The following COBL variants were observed in gnomAD, a reference collection of about 807,000 sequenced individuals.
COBL encodes the protein cordon-bleu WH2 repeat protein, also known as protein cordon-bleu.
COBL carries 51 observed loss-of-function variants against 98.8 expected under a neutral mutation model. The ratio of observed to expected loss-of-function variants is 0.52; its 90% CI spans 0.41 to 0.65. COBL has a LOEUF of 0.65. Among genes scored for constraint, COBL ranks in the 30% least tolerant of loss-of-function variants. The probability of loss-of-function intolerance (pLI) is 0.00; values close to 1 mark genes in which losing one functional copy is unlikely to be tolerated. For missense variants in COBL, 1,617 were observed against 1,617.5 expected (o/e 1.00, Z 0.01); for synonymous variants, 634 against 651.7 (o/e 0.97, Z 0.41).
At chr7:51,217,340 CTTT>C (rs937958755) in intron 2 of COBL, among the ~76,000 whole-genome samples, 2 of 127,708 alleles carry the variant, frequency 1.6e-5, no homozygotes, top group Admixed American at 8.2e-5. Flanking sequence ...TTTTCTTTTT[CTTT>C]TTTTTTTTTT....
At chr7:51,051,397 T>C (rs1043945251) in intron 7 of COBL, among the ~76,000 whole-genome samples, 4 of 152,226 alleles carry the variant, frequency 2.6e-5, no homozygotes, top group African/African-American at 7.2e-5. Context: ...TTGATGCTTA[T>C]TTGTTTTTCA....
intron 5 of COBL, among the ~76,000 whole-genome samples, chr7:51,170,873 T>C (rs912174727): frequency 1.3e-5 from 2 of 152,064 alleles, no homozygotes; most frequent in African/African-American, 4.8e-5. Flanking sequence ...TTAATAATAA[T>C]GTATTACACA....
At chr7:51,293,297 C>T (rs1204802232) in intron 1 of COBL, among the ~76,000 whole-genome samples, 1 of 152,182 alleles carries the variant, frequency 6.6e-6, no homozygotes, top group Non-Finnish European at 1.5e-5. Context: ...CATACAAAAA[C>T]TATAAATGAA....
chr7:51,238,973 G>A (rs923650991), intron 1 of COBL, among the ~76,000 whole-genome samples: 6 of 152,082 alleles, frequency 3.9e-5, no homozygotes, highest in African/African-American at 9.7e-5. Context: ...TGCTGGTAGC[G>A]TACTCATTAT....
In COBL at chr7:51,141,070, A is replaced by G. The variant is rs1462497204; in HGVS notation, c.784-4739T>C. ...AACCCCTTACTGTACTGCACAATACACTTCCAGGGACAAACAGGAGATGCT... is the reference window on the plus strand; with the variant it reads ...AACCCCTTACTGTACTGCACAATACGCTTCCAGGGACAAACAGGAGATGCT... On this transcript the variant is annotated intron_variant, in intron 5 of 12. Coordinates refer to ENST00000265136, the MANE Select transcript of COBL (RefSeq NM_015198.5). Among the ~76,000 whole-genome samples the G allele has an allele frequency of 2.0e-5, 3 of 151,854 alleles. No individual in the cohort carries two copies. In the East Asian group the frequency reaches 5.8e-4, roughly 29 times the overall value.
chr7:51,179,496 G>A (rs548640425), intron 5 of COBL, among the ~76,000 whole-genome samples: 18 of 152,086 alleles, frequency 1.2e-4, no homozygotes, highest in Non-Finnish European at 1.9e-4. Flanking sequence ...GTGAGCCACC[G>A]CGCCCAGCCA....
intron 5 of COBL, among the ~76,000 whole-genome samples, chr7:51,162,258 A>G (rs771900113): frequency 2.0e-5 from 3 of 152,218 alleles, no homozygotes; most frequent in Non-Finnish European, 2.9e-5. Context: ...GCAGGTGTCC[A>G]GTGCAGCCCA....
chr7:51,287,068 TGGACACAAAGATG>T (rs1800433286), intron 1 of COBL, among the ~76,000 whole-genome samples: 1 of 151,984 alleles, frequency 6.6e-6, no homozygotes, highest in Non-Finnish European at 1.5e-5. Flanking sequence ...TGAGTACACA[TGGACACAAAGATG>T]GGAACAACAG....
intron 2 of COBL, among the ~76,000 whole-genome samples, chr7:51,197,436 A>C (rs1190426207): frequency 6.6e-6 from 1 of 152,030 alleles, no homozygotes; most frequent in Non-Finnish European, 1.5e-5. Context: ...TTTATTTCTG[A>C]TTATGTGATC....
At chr7:51,081,963 C>A (rs997981436) in intron 7 of COBL, among the ~76,000 whole-genome samples, 1 of 151,860 alleles carries the variant, frequency 6.6e-6, no homozygotes, top group Non-Finnish European at 1.5e-5. Context: ...CATTTGCATT[C>A]GGAAGCATGT....
At chr7:51,191,659 C>T (rs973191981) in intron 3 of COBL, among the ~76,000 whole-genome samples, 2 of 151,796 alleles carry the variant, frequency 1.3e-5, no homozygotes, top group African/African-American at 2.4e-5. Context: ...ACTACACACA[C>T]GTATTTAAGC....
chr7:51,252,140 A>G (rs1796778285), intron 1 of COBL, among the ~76,000 whole-genome samples: 1 of 152,124 alleles, frequency 6.6e-6, no homozygotes, highest in African/African-American at 2.4e-5. Context: ...ATCTCTTTAG[A>G]ACACTCTCCC....
intron 1 of COBL, among the ~76,000 whole-genome samples, chr7:51,228,784 T>C (rs929810972): frequency 1.3e-5 from 2 of 152,174 alleles, no homozygotes; most frequent in Admixed American, 6.5e-5. Flanking sequence ...AAAGAGCCTG[T>C]CGGTGAGGAT....
intron 6 of COBL, among the ~76,000 whole-genome samples, chr7:51,121,690 G>GC (rs1797754099): frequency 1.3e-5 from 2 of 152,138 alleles, no homozygotes; most frequent in African/African-American, 4.8e-5. Flanking sequence ...CCTGAACAGT[G>GC]CCTCAAAGAC....
chr7:51,212,181 A>C (rs1211977853), intron 2 of COBL, among the ~76,000 whole-genome samples: 1 of 152,198 alleles, frequency 6.6e-6, no homozygotes, highest in Admixed American at 6.5e-5. Flanking sequence ...TAGAATTATT[A>C]TACTTCTTTA....
intron 5 of COBL, among the ~76,000 whole-genome samples, chr7:51,144,908 T>C (rs1784878729): frequency 1.3e-5 from 2 of 152,392 alleles, no homozygotes; most frequent in South Asian, 2.1e-4. Context: ...GTTTGATGTA[T>C]ATACCACATT....
chr7:51,080,790 G>A lies in COBL; in HGVS notation c.1096+4376C>T, dbSNP rs117378831. Among the ~76,000 whole-genome samples, 718 of 152,290 alleles carry A rather than the reference G, an allele frequency of 4.7e-3. 2 individuals carry two copies. The highest frequency in any genetic ancestry group is 7.1e-3 in the Non-Finnish European group (484 of 68,014). ...GAAGTTTGCTCAGGAGCCCAGGGGTGAACATGGGCCACAGGGACGCACATT... is the reference window on the plus strand; with the variant it reads ...GAAGTTTGCTCAGGAGCCCAGGGGTAAACATGGGCCACAGGGACGCACATT... On this transcript the variant is annotated intron_variant, in intron 7 of 12. Transcript: ENST00000265136.
intron 5 of COBL, among the ~76,000 whole-genome samples, chr7:51,138,514 C>T (rs1243958443): frequency 1.3e-5 from 2 of 152,128 alleles, no homozygotes; most frequent in African/African-American, 2.4e-5. Context: ...TGTACAAACA[C>T]CCCCAGATCC....
chr7:51,285,902 TAAAC>T (rs1441577494), intron 1 of COBL, among the ~76,000 whole-genome samples: 1 of 152,204 alleles, frequency 6.6e-6, no homozygotes, highest in African/African-American at 2.4e-5. Flanking sequence ...ATAAATCAAT[TAAAC>T]AAGACTGACA....
Sources: allele counts gnomAD v4.1 joint callset (sites outside exome capture counted in the v4.1 genomes callset), GRCh38; gene constraint gnomAD v4.1.1; transcripts MANE v1.5; gene names NCBI Gene and HGNC (gene_info 2026-07-23, HGNC 2026-07-21).